The following KHDRBS2 variants were observed in gnomAD, a reference collection of about 807,000 sequenced individuals.
KHDRBS2 encodes the protein KH RNA binding domain containing, signal transduction associated 2, also known as KH domain-containing, RNA-binding, signal transduction-associated protein 2.
A neutral mutation model predicts 44.3 loss-of-function variants in KHDRBS2; 26 were observed. The ratio of observed to expected loss-of-function variants is 0.59; its 90% CI spans 0.43 to 0.81. The LOEUF (loss-of-function observed/expected upper bound fraction) is 0.81. Ranked by LOEUF, KHDRBS2 falls within the 40% of genes least tolerant of loss-of-function variation. The pLI is 0.00. For missense variants in KHDRBS2, 476 were observed against 433.1 expected (o/e 1.10, Z -0.88); for synonymous variants, 194 against 151.1 (o/e 1.28, Z -2.08).
the KHDRBS2 span, among the ~76,000 whole-genome samples, chr6:61,552,424 G>A: frequency 6.6e-6 from 1 of 152,130 alleles, no homozygotes; most frequent in Admixed American, 6.6e-5. Context: ...GGAGACTATG[G>A]GATTTTCTAG....
At chr6:62,273,444 T>C (rs544318049) in intron 1 of KHDRBS2, among the ~76,000 whole-genome samples, 109 of 152,336 alleles carry the variant, frequency 7.2e-4, no homozygotes, top group African/African-American at 2.5e-3. Context: ...TTTGAAAATA[T>C]TGAACAAATC....
At chr6:62,152,628 AGACT>A (rs765459279) in intron 2 of KHDRBS2, among the ~76,000 whole-genome samples, 2 of 152,212 alleles carry the variant, frequency 1.3e-5, no homozygotes, top group Non-Finnish European at 1.5e-5. Context: ...TTTGCATAGG[AGACT>A]GACTAAAATA....
the KHDRBS2 span, among the ~76,000 whole-genome samples, chr6:61,621,843 T>C: frequency 2.6e-5 from 4 of 152,192 alleles, no homozygotes; most frequent in East Asian, 7.7e-4. Flanking sequence ...TTGCTAGCCT[T>C]GAAGAAGCAA....
chr6:62,285,791 C>T, intron 1 of KHDRBS2, 67 bp downstream of exon 1: 1 of 1,127,862 alleles, frequency 8.9e-7, no homozygotes, highest in Non-Finnish European at 1.3e-6. Flanking sequence ...AACTTCACTC[C>T]CCTAATCAAG....
chr6:61,766,100 C>T (rs1012925437), intron 6 of KHDRBS2, among the ~76,000 whole-genome samples: 26 of 136,260 alleles, frequency 1.9e-4, no homozygotes, highest in Admixed American at 1.5e-3. Flanking sequence ...GTGAAGCCAC[C>T]GTGTTCAGGC....
intron 2 of KHDRBS2, among the ~76,000 whole-genome samples, chr6:62,130,227 A>C (rs1272921320): frequency 6.6e-6 from 1 of 152,178 alleles, no homozygotes; most frequent in African/African-American, 2.4e-5. Flanking sequence ...CCCTTTAATG[A>C]GTAAGTAGAG....
intron 1 of KHDRBS2, among the ~76,000 whole-genome samples, chr6:62,269,598 G>A (rs571064609): frequency 2.6e-5 from 4 of 152,028 alleles, no homozygotes; most frequent in Non-Finnish European, 5.9e-5. Context: ...ATGTTGGCAA[G>A]GAAATGCAAC....
intron 7 of KHDRBS2, among the ~76,000 whole-genome samples, chr6:61,719,427 T>A (rs1031139371): frequency 2.6e-5 from 4 of 152,012 alleles, no homozygotes; most frequent in Admixed American, 1.3e-4. Flanking sequence ...TTTCAGAAGG[T>A]TGACCTTTGA....
intron 2 of KHDRBS2, among the ~76,000 whole-genome samples, chr6:62,052,697 C>A (rs1339538083): frequency 2.6e-5 from 4 of 151,942 alleles, no homozygotes; most frequent in Non-Finnish European, 4.4e-5. Flanking sequence ...CATTAAGATT[C>A]TCATAAGGAA....
chr6:61,917,338 T>C (rs971965078), intron 4 of KHDRBS2, among the ~76,000 whole-genome samples: 1 of 151,956 alleles, frequency 6.6e-6, no homozygotes, highest in Admixed American at 6.6e-5. Context: ...AGCTCAAATG[T>C]ACTTAAATGT....
chr6:61,861,230 G>C (rs1021173747), intron 6 of KHDRBS2, among the ~76,000 whole-genome samples: 2 of 151,750 alleles, frequency 1.3e-5, no homozygotes, highest in Non-Finnish European at 2.9e-5. Context: ...AGATCCCACT[G>C]GTCAATTATT....
chr6:61,983,616 G>GCAAAAGA (rs1228917986), intron 3 of KHDRBS2, among the ~76,000 whole-genome samples: 2 of 151,952 alleles, frequency 1.3e-5, no homozygotes, highest in Non-Finnish European at 2.9e-5. Flanking sequence ...CATTGAGAAG[G>GCAAAAGA]CTTTTAAAAG....
intron 2 of KHDRBS2, among the ~76,000 whole-genome samples, chr6:62,108,925 A>G (rs1340425334): frequency 6.6e-6 from 1 of 152,108 alleles, no homozygotes; most frequent in Admixed American, 6.5e-5. Flanking sequence ...GAAGGGGTAC[A>G]TCACACTTTG....
intron 2 of KHDRBS2, among the ~76,000 whole-genome samples, chr6:62,055,918 A>G (rs1790181757): frequency 6.6e-6 from 1 of 151,988 alleles, no homozygotes; most frequent in Non-Finnish European, 1.5e-5. Flanking sequence ...CCTGTCCACA[A>G]ATTCCCAGTT....
At chr6:62,208,508 T>A (rs950798570) in intron 1 of KHDRBS2, among the ~76,000 whole-genome samples, 1 of 152,230 alleles carries the variant, frequency 6.6e-6, no homozygotes, top group African/African-American at 2.4e-5. Context: ...AGTTTCAGTA[T>A]CTAGCCTGGT....
At chr6:61,965,865 A>C (rs1194977750) in intron 4 of KHDRBS2, among the ~76,000 whole-genome samples, 6 of 151,990 alleles carry the variant, frequency 3.9e-5, no homozygotes, top group Non-Finnish European at 8.8e-5. Flanking sequence ...TGACTGCAAT[A>C]AGTTAATTTA....
chr6:62,102,664 C>T (rs1802171918), intron 2 of KHDRBS2, among the ~76,000 whole-genome samples: 1 of 152,124 alleles, frequency 6.6e-6, no homozygotes, highest in Non-Finnish European at 1.5e-5. Context: ...ATTCCTGTCA[C>T]ATGGGGTGGC....
chr6:61,979,876 T>C (rs1773479564), intron 3 of KHDRBS2, among the ~76,000 whole-genome samples: 1 of 152,134 alleles, frequency 6.6e-6, no homozygotes, highest in African/African-American at 2.4e-5. Flanking sequence ...AAATCAGAGA[T>C]TTCTTGACAC....
chr6:61,765,950 G>A (rs1273397681), intron 6 of KHDRBS2, among the ~76,000 whole-genome samples: 1 of 151,776 alleles, frequency 6.6e-6, no homozygotes, highest in African/African-American at 2.4e-5. Context: ...TCTTTTTTTA[G>A]ATATTCCTTT....
Sources: gnomAD v4.1 joint callset for allele counts (sites outside exome capture counted in the v4.1 genomes callset) on GRCh38, gnomAD v4.1.1 for gene constraint, MANE v1.5 for transcripts, NCBI Gene and HGNC (gene_info 2026-07-23, HGNC 2026-07-21) for gene names.